MYO16: variants seen among roughly 807,000 people sequenced by gnomAD.
MYO16 encodes the protein unconventional myosin-XVI.
In MYO16, 94 loss-of-function variants were observed where a neutral mutation model predicts 205.3. The ratio of observed to expected loss-of-function variants is 0.46; its 90% confidence interval spans 0.39 to 0.54. The LOEUF (loss-of-function observed/expected upper bound fraction) is 0.54. MYO16 is among the 20% of genes least tolerant of loss of function. The pLI, the probability that MYO16 is intolerant of heterozygous loss-of-function variation, is 0.00. For synonymous variants in MYO16, 988 were observed against 954.0 expected (o/e 1.04, Z -0.66); for missense variants, 2,315 against 2,387.5 (o/e 0.97, Z 0.63).
intron 5 of MYO16, among the ~76,000 whole-genome samples, chr13:108,787,579 C>A (rs1886497074): frequency 6.6e-6 from 1 of 152,076 alleles, no homozygotes; most frequent in South Asian, 2.1e-4. Context: ...TGTTTTATAT[C>A]CTATGTAAAG....
At chr13:109,116,077 A>G (rs1397638574) in intron 28 of MYO16, among the ~76,000 whole-genome samples, 2 of 152,264 alleles carry the variant, frequency 1.3e-5, no homozygotes, top group African/African-American at 4.8e-5. Flanking sequence ...GTACAAAACT[A>G]TATGAAATAA....
At chr13:109,119,101 G>T (rs1875862845) in intron 28 of MYO16, among the ~76,000 whole-genome samples, 1 of 152,136 alleles carries the variant, frequency 6.6e-6, no homozygotes, top group Non-Finnish European at 1.5e-5. Flanking sequence ...GTGGAAAGGG[G>T]CAAAGTGACA....
At chr13:109,008,654 T>C (rs1474105953) in intron 21 of MYO16, among the ~76,000 whole-genome samples, 6 of 141,456 alleles carry the variant, frequency 4.2e-5, no homozygotes, top group Non-Finnish European at 7.8e-5. Context: ...GTACTGTCTA[T>C]CTTGTGTATG....
intron 9 of MYO16, among the ~76,000 whole-genome samples, chr13:108,842,780 A>G (rs1171391535): frequency 3.3e-5 from 5 of 152,226 alleles, no homozygotes; most frequent in Non-Finnish European, 5.9e-5. Context: ...AATGAAATCA[A>G]GATCTCAAAG....
intron 19 of MYO16, 47 bp downstream of exon 19, chr13:108,962,542 A>T (rs997471744): frequency 7.5e-7 from 1 of 1,332,428 alleles, no homozygotes; most frequent in African/African-American, 1.5e-5. Context: ...AGAATCAAAT[A>T]TGAAAATTAA....
intron 16 of MYO16, among the ~76,000 whole-genome samples, chr13:108,925,946 A>C (rs1594401123): frequency 6.6e-6 from 1 of 152,248 alleles, no homozygotes; most frequent in East Asian, 1.9e-4. Context: ...AGTAGAACAG[A>C]ATTCATCCTC....
chr13:108,926,629 A>G (rs1206542586), intron 16 of MYO16, among the ~76,000 whole-genome samples: 1 of 152,190 alleles, frequency 6.6e-6, no homozygotes, highest in Non-Finnish European at 1.5e-5. Flanking sequence ...GGAACCTGTC[A>G]TCTAGAGACC....
intron 16 of MYO16, 145 bp downstream of exon 16, chr13:108,910,295 A>G (rs1051434687): frequency 1.2e-6 from 1 of 858,128 alleles, no homozygotes; most frequent in Non-Finnish European, 1.8e-6. Context: ...GAAACCATCC[A>G]CATAACAAGG....
At chr13:108,651,154 T>A (rs1880984054) in intron 1 of MYO16, among the ~76,000 whole-genome samples, 1 of 152,206 alleles carries the variant, frequency 6.6e-6, no homozygotes, top group South Asian at 2.1e-4. Context: ...TGTAGCTGGC[T>A]GGTCTCTGCA....
At chr13:108,784,525 T>C (rs1255826839) in intron 4 of MYO16, among the ~76,000 whole-genome samples, 3 of 152,176 alleles carry the variant, frequency 2.0e-5, no homozygotes, top group African/African-American at 7.2e-5. Flanking sequence ...TTAAAAATAA[T>C]ATATTTAGAG....
chr13:108,701,828 G>A (rs1117191), intron 2 of MYO16, among the ~76,000 whole-genome samples: 117,358 of 152,046 alleles, frequency 0.77, 45,472 homozygotes, highest in East Asian at 0.98. Context: ...CTAAAGGAAA[G>A]TATGAAAGTG....
chr13:108,885,495 T>G (rs1261710678), intron 13 of MYO16, among the ~76,000 whole-genome samples: 1 of 152,200 alleles, frequency 6.6e-6, no homozygotes, highest in East Asian at 1.9e-4. Context: ...GCAACCCTAT[T>G]TTTATCTGCT....
rs1251161709 is a variant in MYO16, at chr13:108,837,148, C to G, written c.1098-7195C>G. Among the ~76,000 whole-genome samples, 3 of 152,096 alleles carry G rather than the reference C, an allele frequency of 2.0e-5. 1 individual carries two copies. The highest frequency in any genetic ancestry group is 4.4e-5 in the Non-Finnish European group (3 of 68,034). ...AATTGAATGATCAGGGTGGTTTCCC[C>G]CATGCTGTTCTCATGATAGTGAGTG... On this transcript the variant is annotated intron_variant, in intron 9 of 34. Transcript: ENST00000457511.
At chr13:108,549,674 T>C in the MYO16 span, among the ~76,000 whole-genome samples, 37 of 152,092 alleles carry the variant, frequency 2.4e-4, no homozygotes, top group African/African-American at 8.4e-4. Context: ...ACAGTTATAT[T>C]TGGTGGGTTA....
At chr13:108,809,158 G>A (rs896603965) in intron 7 of MYO16, among the ~76,000 whole-genome samples, 1 of 152,158 alleles carries the variant, frequency 6.6e-6, no homozygotes, top group Non-Finnish European at 1.5e-5. Context: ...TCTCCAGTGT[G>A]CCTACTAGGT....
chr13:108,546,699 T>A, the MYO16 span, among the ~76,000 whole-genome samples: 34 of 152,242 alleles, frequency 2.2e-4, no homozygotes, highest in South Asian at 6.6e-3. Flanking sequence ...AATGCCATGG[T>A]CCTCACTCTT....
At chr13:108,661,618 A>C (rs1396633216) in intron 1 of MYO16, among the ~76,000 whole-genome samples, 1 of 152,134 alleles carries the variant, frequency 6.6e-6, no homozygotes, top group Non-Finnish European at 1.5e-5. Context: ...AAGCATGTCC[A>C]AAGTTTCCCA....
At chr13:108,523,914 G>T in the MYO16 span, among the ~76,000 whole-genome samples, 1 of 152,208 alleles carries the variant, frequency 6.6e-6, no homozygotes, top group Non-Finnish European at 1.5e-5. Flanking sequence ...TTGGATCCTA[G>T]GCGTGGATTT....
intron 27 of MYO16, among the ~76,000 whole-genome samples, chr13:109,090,641 C>T (rs2139689117): frequency 6.6e-6 from 1 of 152,160 alleles, no homozygotes; most frequent in East Asian, 1.9e-4. Flanking sequence ...GCAGGACAGA[C>T]AGAACTAAAC....
Sources: allele counts gnomAD v4.1 joint callset (sites outside exome capture counted in the v4.1 genomes callset), GRCh38; gene constraint gnomAD v4.1.1; transcripts MANE v1.5; gene names NCBI Gene and HGNC (gene_info 2026-07-23, HGNC 2026-07-21).